Variants in SCN11A observed in about 807,000 individuals in gnomAD.
SCN11A encodes sodium channel protein type 11 subunit alpha.
Under a neutral mutation model 162.2 loss-of-function variants are expected in SCN11A, and 122 were observed. The ratio of observed to expected loss-of-function variants is 0.75; its 90% CI spans 0.65 to 0.87. The LOEUF is 0.87. Ranked by LOEUF, SCN11A falls within the 40% of genes least tolerant of loss-of-function variation. SCN11A has a pLI of 0.00. For missense variants in SCN11A, 2,015 were observed against 2,181.6 expected (o/e 0.92, Z 1.52); for synonymous variants, 758 against 751.5 (o/e 1.01, Z -0.14).
At chr3:39,017,139 A>G (rs2031312028) in intron 2 of SCN11A, among the ~76,000 whole-genome samples, 1 of 152,146 alleles carries the variant, frequency 6.6e-6, no homozygotes, top group Non-Finnish European at 1.5e-5. Context: ...TCTTATAAAA[A>G]TACACAAGAG....
intron 20 of SCN11A, among the ~76,000 whole-genome samples, chr3:38,885,875 C>T (rs1275608027): frequency 3.3e-5 from 5 of 152,180 alleles, no homozygotes; most frequent in African/African-American, 1.2e-4. Flanking sequence ...ATGCTACTGG[C>T]ATCAAATGCA....
chr3:38,970,168 G>T (rs1409318034), intron 2 of SCN11A, among the ~76,000 whole-genome samples: 1 of 152,208 alleles, frequency 6.6e-6, no homozygotes, highest in Admixed American at 6.5e-5. Context: ...CATAGCAAGA[G>T]GGGGGATCTC....
intron 1 of SCN11A, among the ~76,000 whole-genome samples, chr3:39,050,507 T>C (rs1320352087): frequency 6.6e-6 from 1 of 152,222 alleles, no homozygotes; most frequent in Non-Finnish European, 1.5e-5. Context: ...ATGCAGTAAT[T>C]TACCTATAAG....
At chr3:39,030,384 C>A (rs964005982) in intron 2 of SCN11A, among the ~76,000 whole-genome samples, 2 of 152,158 alleles carry the variant, frequency 1.3e-5, no homozygotes, top group African/African-American at 2.4e-5. Flanking sequence ...GCAGAAAAGA[C>A]CAGTGGCTCG....
chr3:39,023,158 A>G (rs538665988), intron 2 of SCN11A, among the ~76,000 whole-genome samples: 1 of 152,308 alleles, frequency 6.6e-6, no homozygotes, highest in Non-Finnish European at 1.5e-5. Flanking sequence ...TTGCTTCAAT[A>G]TAATCTGGAA....
At chr3:39,043,935 G>A (rs1156258145) in intron 1 of SCN11A, among the ~76,000 whole-genome samples, 2 of 152,232 alleles carry the variant, frequency 1.3e-5, no homozygotes, top group East Asian at 1.9e-4. Flanking sequence ...TGCATTGCCT[G>A]CCTGTCCCAA....
intron 25 of SCN11A, 81 bp from the exon 26 acceptor site, chr3:38,870,825 G>A: frequency 8.5e-7 from 1 of 1,175,712 alleles, no homozygotes; most frequent in Non-Finnish European, 1.3e-6. Context: ...AAGCAGGTGA[G>A]GCCCAGTGGG....
intron 18 of SCN11A, among the ~76,000 whole-genome samples, chr3:38,895,886 G>A (rs1428750795): frequency 1.3e-5 from 2 of 152,040 alleles, no homozygotes. Flanking sequence ...TAGTGTCTAG[G>A]CACACCATTT....
chr3:39,010,506 G>T (rs1268327850), intron 2 of SCN11A, among the ~76,000 whole-genome samples: 1 of 151,566 alleles, frequency 6.6e-6, no homozygotes, highest in African/African-American at 2.4e-5. Context: ...AGCCTCCCAA[G>T]TAGCTGGGAC....
intron 5 of SCN11A, among the ~76,000 whole-genome samples, chr3:38,948,420 C>T (rs1412501016): frequency 6.6e-6 from 1 of 152,220 alleles, no homozygotes; most frequent in Non-Finnish European, 1.5e-5. Context: ...CTCCTCCTGC[C>T]TGCTTGCTGA....
chr3:39,000,861 A>G (rs1315972483), intron 2 of SCN11A, among the ~76,000 whole-genome samples: 7 of 152,060 alleles, frequency 4.6e-5, no homozygotes, highest in Admixed American at 1.3e-4. Flanking sequence ...ACATGGCGAA[A>G]CCTTGTCTCT....
chr3:39,001,153 C>T (rs1436167193), intron 2 of SCN11A, among the ~76,000 whole-genome samples: 1 of 152,194 alleles, frequency 6.6e-6, no homozygotes, highest in Admixed American at 6.5e-5. Context: ...CCATTTTAAC[C>T]ATCTGAAAGT....
intron 8 of SCN11A, 114 bp from the exon 9 acceptor site, chr3:38,925,623 A>G: frequency 1.5e-6 from 1 of 686,218 alleles, no homozygotes; most frequent in South Asian, 1.9e-5. Context: ...TCCAAGGTGA[A>G]ATCGACAGCC....
rs1420544020 is a variant in SCN11A at position 39,017,134 on chromosome 3, T to C, written c.-280+15246A>G. On this transcript the variant is annotated intron_variant, in intron 2 of 29. Transcript: ENST00000302328. ...CTCAGGAATGAAATTAGAGATCTTA[T>C]AAAAATACACAAGAGAGCTTGCTTC... Among the ~76,000 whole-genome samples, 4 of 152,102 alleles carry C rather than the reference T, an allele frequency of 2.6e-5. No homozygotes were observed. In the East Asian group the frequency reaches 7.7e-4, roughly 29 times the overall value.
chr3:38,889,595 C>T (rs573987804), intron 19 of SCN11A, among the ~76,000 whole-genome samples: 4 of 151,662 alleles, frequency 2.6e-5, no homozygotes, highest in East Asian at 2.0e-4. Context: ...GTCAGGAGAT[C>T]GAGACCATCC....
rs141896424 is a variant in SCN11A at position 38,847,098 on chromosome 3, G to A, written c.4972C>T (p.Arg1658Cys). Residue 1658 changes from arginine to cysteine, a missense_variant, in exon 30 of 30, where the codon CGT becomes TGT. By Grantham distance (180) the Arg-to-Cys change is radical. Transcript: ENST00000302328. ...DFADALPEPL[R>C]VAKPNKYQFL... ...TGATATTTATTTGGCTTTGCGACAC[G>A]CAAAGGCTCAGGCAAGGCATCAGCA... 2.5e-5 allele frequency: 40 copies of A among 1,614,012 alleles called. No individual in the cohort carries two copies. Among genetic ancestry groups the A allele is most frequent in the East Asian group, 4.5e-5 (2 of 44,880 alleles).
chr3:38,965,381 A>T (rs2066775409), intron 2 of SCN11A, among the ~76,000 whole-genome samples: 1 of 152,204 alleles, frequency 6.6e-6, no homozygotes, highest in African/African-American at 2.4e-5. Context: ...CCTGTAAGAC[A>T]ACGTTTGTAA....
At chr3:38,934,904 C>T (rs1459611612) in intron 7 of SCN11A, among the ~76,000 whole-genome samples, 10 of 151,472 alleles carry the variant, frequency 6.6e-5, no homozygotes, top group Non-Finnish European at 1.3e-4. Context: ...GAACTCTCCA[C>T]CCCAAATCAA....
intron 2 of SCN11A, among the ~76,000 whole-genome samples, chr3:38,965,165 A>C (rs746694123): frequency 6.6e-6 from 1 of 152,250 alleles, no homozygotes; most frequent in Non-Finnish European, 1.5e-5. Context: ...GTAGATCCTT[A>C]CAGAAAGCAT....
Sources: allele counts gnomAD v4.1 joint callset (sites outside exome capture counted in the v4.1 genomes callset), GRCh38; gene constraint gnomAD v4.1.1; transcripts MANE v1.5; gene names NCBI Gene and HGNC (gene_info 2026-07-23, HGNC 2026-07-21).